Variants in LHFPL3 observed in about 807,000 individuals in gnomAD.
The protein encoded by LHFPL3 is LHFPL tetraspan subfamily member 3 protein.
A neutral mutation model predicts 19.3 loss-of-function variants in LHFPL3; 5 were observed. The ratio of observed to expected loss-of-function variants is 0.26; its 90% CI spans 0.14 to 0.54. The LOEUF is 0.54. LHFPL3 is among the 20% of genes least tolerant of loss of function. The pLI is 0.94. For synonymous variants in LHFPL3, 133 were observed against 126.2 expected (o/e 1.05, Z -0.36); for missense variants, 249 against 307.4 (o/e 0.81, Z 1.42).
intron 1 of LHFPL3, among the ~76,000 whole-genome samples, chr7:104,564,942 C>G (rs1562936381): frequency 6.6e-6 from 1 of 152,180 alleles, no homozygotes; most frequent in South Asian, 2.1e-4. Flanking sequence ...ATTACTCATG[C>G]TCACTGCTCC....
At chr7:104,472,543 A>G (rs1792932253) in intron 1 of LHFPL3, among the ~76,000 whole-genome samples, 1 of 152,178 alleles carries the variant, frequency 6.6e-6, no homozygotes, top group Non-Finnish European at 1.5e-5. Flanking sequence ...GCCCTTTTAC[A>G]TGCATATGTA....
At chr7:104,585,038 C>T (rs1372056984) in intron 1 of LHFPL3, among the ~76,000 whole-genome samples, 2 of 152,156 alleles carry the variant, frequency 1.3e-5, no homozygotes, top group East Asian at 3.9e-4. Flanking sequence ...TTCCATGCCA[C>T]CTAAATGTTG....
intron 2 of LHFPL3, among the ~76,000 whole-genome samples, chr7:104,856,484 G>A (rs965307233): frequency 6.6e-5 from 10 of 151,910 alleles, no homozygotes; most frequent in Non-Finnish European, 1.0e-4. Context: ...TCCTGACCTC[G>A]TGATCCACCT....
intron 1 of LHFPL3, among the ~76,000 whole-genome samples, chr7:104,446,551 T>G (rs141436243): frequency 1.3e-5 from 2 of 152,218 alleles, no homozygotes; most frequent in Admixed American, 1.3e-4. Context: ...TTTCTAGTTT[T>G]TTGTTTTTAT....
intron 1 of LHFPL3, among the ~76,000 whole-genome samples, chr7:104,376,099 T>TA (rs1166958442): frequency 6.6e-6 from 1 of 152,200 alleles, no homozygotes; most frequent in Non-Finnish European, 1.5e-5. Flanking sequence ...TTCATGCCTT[T>TA]AAAAAATCTA....
At chr7:104,491,830 C>T (rs1324540505) in intron 1 of LHFPL3, among the ~76,000 whole-genome samples, 1 of 152,112 alleles carries the variant, frequency 6.6e-6, no homozygotes, top group Non-Finnish European at 1.5e-5. Context: ...ATCAATAAAA[C>T]ATTTTCCCAT....
intron 1 of LHFPL3, among the ~76,000 whole-genome samples, chr7:104,700,645 T>C (rs1793085441): frequency 6.6e-6 from 1 of 152,254 alleles, no homozygotes; most frequent in Non-Finnish European, 1.5e-5. Context: ...TTGCTTATAT[T>C]TCCCTTTCTA....
chr7:104,763,893 A>G (rs561554075), intron 2 of LHFPL3, among the ~76,000 whole-genome samples: 2 of 152,320 alleles, frequency 1.3e-5, no homozygotes, highest in East Asian at 3.9e-4. Flanking sequence ...AAACTAGCTA[A>G]AGTAGATTCT....
intron 1 of LHFPL3, among the ~76,000 whole-genome samples, chr7:104,345,437 C>T (rs1053430310): frequency 6.6e-6 from 1 of 152,042 alleles, no homozygotes; most frequent in Admixed American, 6.6e-5. Context: ...AATTTGGTTA[C>T]CAAGTTTGTT....
intron 2 of LHFPL3, among the ~76,000 whole-genome samples, chr7:104,837,642 G>A (rs763783078): frequency 6.6e-5 from 10 of 151,960 alleles, no homozygotes; most frequent in Non-Finnish European, 1.5e-4. Context: ...TATTTCCATA[G>A]GTTATTGAGG....
At chr7:104,368,802 T>TA (rs1356515727) in intron 1 of LHFPL3, among the ~76,000 whole-genome samples, 7 of 152,190 alleles carry the variant, frequency 4.6e-5, no homozygotes, top group Non-Finnish European at 8.8e-5. Flanking sequence ...TCTGCACTGA[T>TA]ATTAATTTTT....
At chr7:104,475,000 CTG>C (rs1329575562) in intron 1 of LHFPL3, among the ~76,000 whole-genome samples, 1 of 152,224 alleles carries the variant, frequency 6.6e-6, no homozygotes, top group Non-Finnish European at 1.5e-5. Flanking sequence ...GCAAAGAAGA[CTG>C]TACTTCATGT....
At chr7:104,588,310 G>A (rs530308140) in intron 1 of LHFPL3, among the ~76,000 whole-genome samples, 1 of 152,262 alleles carries the variant, frequency 6.6e-6, no homozygotes, top group Non-Finnish European at 1.5e-5. Flanking sequence ...GTAAGGAAGG[G>A]ATCCAGTTTC....
intron 1 of LHFPL3, among the ~76,000 whole-genome samples, chr7:104,598,586 G>A (rs1258884062): frequency 6.6e-6 from 1 of 152,058 alleles, no homozygotes; most frequent in Non-Finnish European, 1.5e-5. Flanking sequence ...CTTTCTGGAG[G>A]GCCAAAGAAC....
chr7:104,603,066 T>TTTCTTTC (rs1791002946), intron 1 of LHFPL3, among the ~76,000 whole-genome samples: 4 of 108,958 alleles, frequency 3.7e-5, no homozygotes, highest in South Asian at 3.4e-4. Flanking sequence ...CTTTCTTTCT[T>TTTCTTTC]TTTCTTTCTT....
chr7:104,479,336 A>G (rs1343192441), intron 1 of LHFPL3, among the ~76,000 whole-genome samples: 1 of 151,678 alleles, frequency 6.6e-6, no homozygotes, highest in Non-Finnish European at 1.5e-5. Context: ...TGCAAGTTCT[A>G]TTCCACATCC....
chr7:104,643,241 T>C (rs535747618), intron 1 of LHFPL3, among the ~76,000 whole-genome samples: 2 of 152,258 alleles, frequency 1.3e-5, no homozygotes, highest in African/African-American at 2.4e-5. Context: ...TACCAAGCTT[T>C]CCTGCAGGAA....
intron 2 of LHFPL3, among the ~76,000 whole-genome samples, chr7:104,820,808 G>A (rs1007276910): frequency 6.6e-6 from 1 of 152,104 alleles, no homozygotes; most frequent in African/African-American, 2.4e-5. Context: ...CTCTGCAGAG[G>A]AGGAGAGAAA....
intron 1 of LHFPL3, among the ~76,000 whole-genome samples, chr7:104,547,668 T>C (rs974246482): frequency 6.6e-6 from 1 of 152,222 alleles, no homozygotes; most frequent in Non-Finnish European, 1.5e-5. Context: ...TGTACCCTAT[T>C]CTCAGGTTTA....
Sources: gnomAD v4.1 joint callset for allele counts (sites outside exome capture counted in the v4.1 genomes callset) on GRCh38, gnomAD v4.1.1 for gene constraint, MANE v1.5 for transcripts, NCBI Gene and HGNC (gene_info 2026-07-23, HGNC 2026-07-21) for gene names.